KCNQ5: variants seen among roughly 807,000 people sequenced by gnomAD.
KCNQ5 encodes the protein potassium voltage-gated channel subfamily KQT member 5.
KCNQ5 carries 30 observed loss-of-function variants against 98.2 expected under a neutral mutation model. That is an observed-to-expected ratio of 0.31 (90% CI 0.23 to 0.41). KCNQ5 has a LOEUF of 0.41. Ranked by LOEUF, KCNQ5 falls within the 10% of genes least tolerant of loss-of-function variation. The probability of loss-of-function intolerance (pLI) is 1.00; values close to 1 mark genes in which losing one functional copy is unlikely to be tolerated. For synonymous variants in KCNQ5, 458 were observed against 449.4 expected (o/e 1.02, Z -0.24); for missense variants, 835 against 1,182.5 (o/e 0.71, Z 4.31).
intron 3 of KCNQ5, among the ~76,000 whole-genome samples, chr6:73,054,331 C>T (rs777661234): frequency 1.1e-4 from 16 of 152,028 alleles, no homozygotes; most frequent in Non-Finnish European, 1.8e-4. Context: ...GGGACTCCTC[C>T]CTAACTATGA....
intron 1 of KCNQ5, among the ~76,000 whole-genome samples, chr6:72,952,199 C>T (rs1332367721): frequency 2.6e-5 from 4 of 152,212 alleles, no homozygotes; most frequent in African/African-American, 7.2e-5. Flanking sequence ...CAAAGTTTGA[C>T]TTCAAAGAAA....
At chr6:73,111,203 A>C in intron 6 of KCNQ5, 105 bp from the exon 7 acceptor site, 1 of 752,232 alleles carries the variant, frequency 1.3e-6, no homozygotes, top group South Asian at 1.6e-5. Flanking sequence ...GACAGGTTAC[A>C]TACCGTTTGT....
intron 2 of KCNQ5, among the ~76,000 whole-genome samples, chr6:73,021,927 C>A (rs1444184433): frequency 6.6e-6 from 1 of 151,804 alleles, no homozygotes; most frequent in African/African-American, 2.4e-5. Flanking sequence ...TCATTTTTTT[C>A]TGAGATTCAC....
At chr6:73,025,304 G>A (rs1770822822) in intron 2 of KCNQ5, among the ~76,000 whole-genome samples, 1 of 152,146 alleles carries the variant, frequency 6.6e-6, no homozygotes, top group Non-Finnish European at 1.5e-5. Context: ...AACAAGATAA[G>A]CAAGCATTCT....
intron 5 of KCNQ5, among the ~76,000 whole-genome samples, chr6:73,095,845 T>G (rs1774465956): frequency 1.3e-5 from 2 of 152,220 alleles, no homozygotes; most frequent in Admixed American, 6.5e-5. Context: ...AGGAGCAATC[T>G]GCTTCCTGCA....
At chr6:73,130,868 T>C (rs1261186075) in intron 9 of KCNQ5, among the ~76,000 whole-genome samples, 2 of 152,222 alleles carry the variant, frequency 1.3e-5, no homozygotes, top group African/African-American at 4.8e-5. Context: ...AACTTTCATA[T>C]AATTATGTCA....
intron 1 of KCNQ5, among the ~76,000 whole-genome samples, chr6:72,727,677 C>A (rs1289832323): frequency 6.6e-6 from 1 of 152,136 alleles, no homozygotes; most frequent in Non-Finnish European, 1.5e-5. Context: ...AATAATACTG[C>A]ATAATATATT....
chr6:72,648,626 AG>A (rs754986743), intron 1 of KCNQ5, among the ~76,000 whole-genome samples: 7 of 152,098 alleles, frequency 4.6e-5, no homozygotes, highest in Non-Finnish European at 1.0e-4. Context: ...ATACTAGGAT[AG>A]CTTTTAAATA....
At chr6:72,846,645 C>T (rs1437626248) in intron 1 of KCNQ5, among the ~76,000 whole-genome samples, 1 of 152,144 alleles carries the variant, frequency 6.6e-6, no homozygotes, top group South Asian at 2.1e-4. Context: ...TGCCACTGCA[C>T]TTCAGCTTGG....
chr6:72,810,481 A>G (rs1370324638), intron 1 of KCNQ5, among the ~76,000 whole-genome samples: 1 of 152,238 alleles, frequency 6.6e-6, no homozygotes, highest in Non-Finnish European at 1.5e-5. Context: ...ATCTGACCAG[A>G]GTAGAAATCT....
rs147701919 is a variant in KCNQ5 at position 73,087,478 on chromosome 6, A to T, written c.918+9591A>T. Among the ~76,000 whole-genome samples the T allele has an allele frequency of 4.8e-3, 731 of 152,310 alleles. 3 individuals carry two copies. The highest frequency in any genetic ancestry group is 0.017 in the African/African-American group (695 of 41,562). ...TGTGTGACATCTAAATGGAACTGTC[A>T]ACTGCAGATATGTGAATTGGGAACT... On this transcript the variant is annotated intron_variant, in intron 5 of 13. Coordinates refer to ENST00000370398, the MANE Select transcript of KCNQ5 (RefSeq NM_019842.4).
chr6:72,733,269 A>C (rs1280152742), intron 1 of KCNQ5, among the ~76,000 whole-genome samples: 1 of 152,200 alleles, frequency 6.6e-6, no homozygotes, highest in Non-Finnish European at 1.5e-5. Context: ...GGAACCAAAA[A>C]CAAGGAGAAG....
chr6:72,631,882 T>A (rs944817042), intron 1 of KCNQ5, among the ~76,000 whole-genome samples: 1 of 152,208 alleles, frequency 6.6e-6, no homozygotes, highest in Non-Finnish European at 1.5e-5. Flanking sequence ...TGTTCTAAAT[T>A]CTTTATGCAC....
intron 1 of KCNQ5, among the ~76,000 whole-genome samples, chr6:72,764,991 A>G (rs1160559221): frequency 6.6e-6 from 1 of 152,030 alleles, no homozygotes; most frequent in Admixed American, 6.6e-5. Context: ...TATTGTGTAT[A>G]TGTACCGCAT....
chr6:72,814,607 G>T (rs1257297389), intron 1 of KCNQ5, among the ~76,000 whole-genome samples: 1 of 152,136 alleles, frequency 6.6e-6, no homozygotes, highest in Non-Finnish European at 1.5e-5. Flanking sequence ...ACTAGTATCT[G>T]CTATGCTCTT....
chr6:72,793,706 G>T (rs906772843), intron 1 of KCNQ5, among the ~76,000 whole-genome samples: 1 of 152,230 alleles, frequency 6.6e-6, no homozygotes, highest in African/African-American at 2.4e-5. Flanking sequence ...CAAGAAAAAG[G>T]GGGATGTGGT....
chr6:72,674,647 G>A (rs1197562307), intron 1 of KCNQ5, among the ~76,000 whole-genome samples: 4 of 152,056 alleles, frequency 2.6e-5, no homozygotes, highest in African/African-American at 9.7e-5. Context: ...GCATGTGCCT[G>A]TAGCCCCAGC....
chr6:72,969,051 G>A (rs1767748837), intron 1 of KCNQ5, among the ~76,000 whole-genome samples: 2 of 152,166 alleles, frequency 1.3e-5, no homozygotes, highest in South Asian at 4.1e-4. Context: ...TGTAAGAACT[G>A]TTTGGTTGCT....
At chr6:72,742,910 T>A (rs77410468) in intron 1 of KCNQ5, among the ~76,000 whole-genome samples, 1 of 152,334 alleles carries the variant, frequency 6.6e-6, no homozygotes, top group East Asian at 1.9e-4. Flanking sequence ...TTCCGCTTAT[T>A]TTCATGTTCC....
Sources: gnomAD v4.1 joint callset for allele counts (sites outside exome capture counted in the v4.1 genomes callset) on GRCh38, gnomAD v4.1.1 for gene constraint, MANE v1.5 for transcripts, NCBI Gene and HGNC (gene_info 2026-07-23, HGNC 2026-07-21) for gene names.